THAP9: variants seen among roughly 807,000 people sequenced by gnomAD.
THAP9 encodes DNA transposase THAP9.
Under a neutral mutation model 35.7 loss-of-function variants are expected in THAP9, and 20 were observed. That is an observed-to-expected ratio of 0.56 (90% confidence interval 0.39 to 0.81). The LOEUF is 0.81. THAP9 is among the 40% of genes least tolerant of loss of function. The pLI, the probability that THAP9 is intolerant of heterozygous loss-of-function variation, is 0.00. For missense variants in THAP9, 870 were observed against 1,047.4 expected, an observed-to-expected ratio of 0.83 and a Z score of 2.34; for synonymous variants, 335 against 373.7, an observed-to-expected ratio of 0.90 and a Z score of 1.19.
intron 2 of THAP9, among the ~76,000 whole-genome samples, chr4:82,905,498 A>G (rs1052985132): frequency 6.6e-6 from 1 of 151,616 alleles, no homozygotes; most frequent in East Asian, 1.9e-4. Flanking sequence ...ATAGTCACCT[A>G]ACTGTTCTAT....
chr4:82,917,049 G>A lies in THAP9; in HGVS notation c.837G>A (p.Leu279=). The change falls in exon 5 of 5, where the codon TTG becomes TTA. Residue 279 remains leucine (L), a synonymous_variant. Transcript: ENST00000302236. The stretch of plus-strand genomic sequence containing the variant: ...ATCAGCTCTATCAATACTGTTCATT[G>A]TTAATAAAAAGTATGCCTCTCAAGC... ...NGDQLYQYCS[L]LIKSMPLKQQ... is the part of the protein sequence containing the mutation. 2.3e-5 allele frequency: 37 copies of A among 1,612,276 alleles called. No individual in the cohort carries two copies. Among genetic ancestry groups the A allele is most frequent in the Non-Finnish European group, 3.1e-5 (37 of 1,179,266 alleles).
rs1270635896 is a variant in THAP9 at position 82,919,552 on chromosome 4, A to C, written c.*628A>C. On this transcript the variant is annotated 3_prime_UTR_variant, in exon 5 of 5. Coordinates refer to ENST00000302236, the MANE Select transcript of THAP9 (RefSeq NM_024672.6). ...GTGCTGCAGCCACGCTGGGGAGTGC[A>C]ATCTGGAAAGAACATACCTAATGTG... 1 of 152,248 alleles carries C rather than the reference A, an allele frequency of 6.6e-6. No homozygotes were observed. Among genetic ancestry groups the C allele is most frequent in the Non-Finnish European group, 1.5e-5 (1 of 68,070 alleles). 9.4% of individuals were successfully genotyped at this position (152,248 alleles called of 1,614,324 possible). A position where few individuals can be genotyped will look rare whatever the true frequency, so the allele number is the denominator to read the frequency against.
intron 1 of THAP9, among the ~76,000 whole-genome samples, chr4:82,904,510 G>A (rs1161802082): frequency 6.6e-6 from 1 of 152,104 alleles, no homozygotes; most frequent in Non-Finnish European, 1.5e-5. Flanking sequence ...TTTTTAATAT[G>A]GGAATTGCCC....
chr4:82,903,353 C>T (rs1578443315), intron 1 of THAP9: 1 of 152,380 alleles, frequency 6.6e-6, no homozygotes, highest in East Asian at 1.9e-4. Context: ...TCCCTAGTAG[C>T]TGGGATTACA....
chr4:82,905,052 A>G (rs1720587050), intron 2 of THAP9, 121 bp downstream of exon 2: 1 of 809,308 alleles, frequency 1.2e-6, no homozygotes. Flanking sequence ...ATCCAGTAAT[A>G]GATTTTAAAT....
chr4:82,911,139 G>T (rs1720850801), intron 4 of THAP9, among the ~76,000 whole-genome samples: 1 of 152,184 alleles, frequency 6.6e-6, no homozygotes, highest in African/African-American at 2.4e-5. Flanking sequence ...TAAGAGAAAT[G>T]ATAATTGCAG....
In THAP9 at chr4:82,919,484, G is replaced by A. The variant is rs934806261; in HGVS notation, c.*560G>A. ...CCTAAAATAGAAGTGCTTAAACTTT[G>A]TCAGGCAGAAGGTAAAGTACATGAG... On this transcript the variant is annotated 3_prime_UTR_variant, in exon 5 of 5. Coordinates refer to ENST00000302236, the MANE Select transcript of THAP9 (RefSeq NM_024672.6). 6.6e-6 allele frequency: 1 copy of A among 152,388 alleles called. No individual in the cohort carries two copies. The highest frequency in any genetic ancestry group is 2.4e-5 in the African/African-American group (1 of 41,438). 9.4% of individuals were successfully genotyped at this position (152,388 alleles called of 1,614,324 possible). A position where few individuals can be genotyped will look rare whatever the true frequency, so the allele number is the denominator to read the frequency against.
At position 82,900,899 on chromosome 4, in the gene THAP9, CCTCGAAGCCTTCGAA is replaced by C. The variant is rs779608180; in HGVS notation, c.80+21_80+35del. The C allele has an allele frequency of 6.2e-7, 1 of 1,612,570 alleles. No homozygotes were observed. The highest frequency in any genetic ancestry group is 1.1e-5 in the South Asian group (1 of 91,036). On this transcript the variant is annotated intron_variant, in intron 1 of 4. Transcript: ENST00000302236. ...CTTCCACCAGTGCGTATGGGAGCAG[CCTCGAAGCCTTCGAA>C]CTCCCTGCGGGGCCCGGCGGGCCGT...
At chr4:82,915,028 A>G (rs1204214097) in intron 4 of THAP9, among the ~76,000 whole-genome samples, 1 of 152,134 alleles carries the variant, frequency 6.6e-6, no homozygotes, top group Non-Finnish European at 1.5e-5. Flanking sequence ...GCATATGGCT[A>G]GCCAGTTACC....
At chr4:82,908,708 C>T (rs1437081342) in intron 4 of THAP9, among the ~76,000 whole-genome samples, 1 of 152,200 alleles carries the variant, frequency 6.6e-6, no homozygotes, top group Admixed American at 6.5e-5. Context: ...TCTCATGCCT[C>T]AGCCTCCTAC....
At chr4:82,912,556 A>G (rs1044650310) in intron 4 of THAP9, among the ~76,000 whole-genome samples, 5 of 152,240 alleles carry the variant, frequency 3.3e-5, no homozygotes, top group African/African-American at 9.6e-5. Flanking sequence ...TATCGTGTTG[A>G]TGAGAGTATA....
chr4:82,913,106 G>C (rs927298487), intron 4 of THAP9: 1 of 151,728 alleles, frequency 6.6e-6, no homozygotes, highest in Non-Finnish European at 1.5e-5. Context: ...TTTATTTTCA[G>C]AGACGAAAAG....
rs772869118 is a variant in THAP9 at position 82,917,993 on chromosome 4, C to G, written c.1781C>G (p.Pro594Arg). 4 of 1,613,980 alleles carry G rather than the reference C, an allele frequency of 2.5e-6. No homozygotes were observed. Among genetic ancestry groups the G allele is most frequent in the Non-Finnish European group, 1.7e-6 (2 of 1,179,972 alleles). The change falls in exon 5 of 5, where the codon CCA becomes CGA. Residue 594 changes from proline to arginine, a missense_variant. Pro to Arg is a moderately radical substitution (Grantham distance 103, BLOSUM62 -2). Around this residue, in one of 3 missense-constraint regions of THAP9, gnomAD observed 414 missense variants for 500.8 expected, o/e 0.83. Coordinates refer to ENST00000302236, the MANE Select transcript of THAP9 (RefSeq NM_024672.6). ...LKWLYQNYVF[P>R]KVMPFPYLLT... Reference sequence around the variant, plus strand: ...TGGCTCTACCAAAATTATGTTTTCCCAAAGGTCATGCCTTTTCCTTATCTT... The same window carrying G: ...TGGCTCTACCAAAATTATGTTTTCCGAAAGGTCATGCCTTTTCCTTATCTT...
At chr4:82,904,355 C>G (rs1342467430) in intron 1 of THAP9, among the ~76,000 whole-genome samples, 1 of 152,184 alleles carries the variant, frequency 6.6e-6, no homozygotes, top group African/African-American at 2.4e-5. Flanking sequence ...AGCCACTGCA[C>G]CCAGCCAGGC....
chr4:82,900,855 G>C lies in THAP9; in HGVS notation c.53G>C (p.Ser18Thr). 6.2e-7 allele frequency: 1 copy of C among 1,613,530 alleles called. No homozygotes were observed. Among genetic ancestry groups the C allele is most frequent in the Middle Eastern group, 1.6e-4 (1 of 6,062 alleles). The change falls in exon 1 of 5, where the codon AGC (serine) becomes ACC (threonine). Residue 18 changes from serine (S) to threonine (T), a missense_variant. This residue lies in a region of THAP9 where 440 missense variants were observed against 501.2 expected (regional missense o/e 0.88). Coordinates refer to ENST00000302236, the MANE Select transcript of THAP9 (RefSeq NM_024672.6). ...TGCAGCACCCGTGACACCGTGCTCA[G>C]CCGGGAGCGCGGCCTCTCCTTCCAC... is the stretch of plus-strand genomic sequence containing the variant. ...VGCSTRDTVL[S>T]RERGLSFHQF...
rs751589696 is a variant in THAP9, at chr4:82,907,935, C to T, written c.731C>T (p.Thr244Met). 1.9e-6 allele frequency: 3 copies of T among 1,604,940 alleles called. No individual in the cohort carries two copies. Among genetic ancestry groups the T allele is most frequent in the South Asian group, 1.1e-5 (1 of 88,166 alleles). ...CTGCCTCATTCTTCCATCCTCAGAACGTAAGTGAATTATTTTTTTATTTTT... is the reference window on the plus strand; with the variant it reads ...CTGCCTCATTCTTCCATCCTCAGAATGTAAGTGAATTATTTTTTTATTTTT... ...LKLPHSSILR[T>M]WLSKCQPSPG... Residue 244 changes from threonine (T) to methionine (M), a missense_variant and splice_region_variant, in exon 4 of 5, where the codon ACG becomes ATG. Physicochemically the swap from Thr to Met is moderately conservative, Grantham distance 81. Around this residue, in one of 3 missense-constraint regions of THAP9, gnomAD observed 440 missense variants for 501.2 expected, o/e 0.88. Transcript: ENST00000302236.
chr4:82,911,522 A>T (rs1720866782), intron 4 of THAP9, among the ~76,000 whole-genome samples: 1 of 152,150 alleles, frequency 6.6e-6, no homozygotes, highest in Admixed American at 6.5e-5. Context: ...TAAACCCAGG[A>T]GGCGGAGCTT....
intron 4 of THAP9, 143 bp downstream of exon 4, chr4:82,908,078 C>A: frequency 1.2e-6 from 1 of 814,832 alleles, no homozygotes; most frequent in Non-Finnish European, 1.8e-6. Flanking sequence ...TACTCATACT[C>A]CCATTTAAAA....
intron 1 of THAP9, among the ~76,000 whole-genome samples, chr4:82,902,341 G>T (rs1181632003): frequency 6.6e-6 from 1 of 151,570 alleles, no homozygotes; most frequent in African/African-American, 2.4e-5. Flanking sequence ...GGGATTACAG[G>T]CATGAGCCAC....
Sources: allele counts gnomAD v4.1 joint callset (sites outside exome capture counted in the v4.1 genomes callset), GRCh38; gene constraint gnomAD v4.1.1; regional missense constraint gnomAD v4.1.1; transcripts MANE v1.5; gene names NCBI Gene and HGNC (gene_info 2026-07-23, HGNC 2026-07-21).